The following PDE4C variants were observed in gnomAD, a reference collection of about 807,000 sequenced individuals.
PDE4C encodes the protein 3',5'-cyclic-AMP phosphodiesterase 4C.
A neutral mutation model predicts 63.9 loss-of-function variants in PDE4C; 50 were observed. The ratio of observed to expected loss-of-function variants is 0.78; its 90% CI spans 0.62 to 0.99. The LOEUF (loss-of-function observed/expected upper bound fraction) is 0.99. PDE4C is among the 50% of genes least tolerant of loss of function. The pLI is 0.00. For missense variants in PDE4C, 777 were observed against 899.1 expected, an observed-to-expected ratio of 0.86 and a Z score of 1.74; for synonymous variants, 377 against 385.1, an observed-to-expected ratio of 0.98 and a Z score of 0.25.
intron 1 of PDE4C, among the ~76,000 whole-genome samples, chr19:18,247,539 G>A (rs1387916391): frequency 1.3e-5 from 2 of 152,096 alleles, no homozygotes; most frequent in Non-Finnish European, 2.9e-5. Context: ...CAAGTGATCC[G>A]CCTGCTTCGC....
chr19:18,227,952 C>G (rs768846119), upstream of PDE4C, among the ~76,000 whole-genome samples: 14 of 152,138 alleles, frequency 9.2e-5, no homozygotes, highest in Non-Finnish European at 1.9e-4. Flanking sequence ...AGTCACACAG[C>G]CCAGAAAAAC....
Position 18,226,275 on chromosome 19 carries a change from CG to C in PDE4C, c.140del (p.Pro47ArgfsTer72). The C allele has an allele frequency of 6.4e-7, 1 of 1,563,154 alleles. No homozygotes were observed. Among genetic ancestry groups the C allele is most frequent in the South Asian group, 1.2e-5 (1 of 85,836 alleles). The stretch of plus-strand genomic sequence containing the variant: ...GGCCCTCTGTCCAGCCTCACCACAG[CG>C]GATGGGCCACCGTGAAGCGCCGCTG... On this transcript the variant is annotated frameshift_variant, in exon 1 of 15. Transcript: ENST00000262805. LOFTEE classifies it high-confidence loss of function.
At chr19:18,226,374 G>A (rs1968724588) in exon 1 of PDE4C, 6 of 1,484,790 alleles carry the variant, frequency 4.0e-6, no homozygotes, top group Non-Finnish European at 5.4e-6. Flanking sequence ...CCCGAGGGGA[G>A]CCGGGCCCGG....
upstream of PDE4C, among the ~76,000 whole-genome samples, chr19:18,230,068 A>G (rs1043237491): frequency 6.6e-6 from 1 of 151,850 alleles, no homozygotes; most frequent in African/African-American, 2.4e-5. Flanking sequence ...AGCCAGGTAA[A>G]TGCCTCAGAG....
chr19:18,208,374 T>G (rs2147990949), downstream of PDE4C: 1 of 152,420 alleles, frequency 6.6e-6, no homozygotes, highest in Admixed American at 6.5e-5. Context: ...AGCATGGTGC[T>G]GCCCAGTCCG....
intron 11 of PDE4C, 120 bp downstream of exon 11, chr19:18,218,029 T>C: frequency 1.3e-6 from 1 of 756,448 alleles, no homozygotes; most frequent in East Asian, 2.5e-5. Flanking sequence ...ACTGTCATAG[T>C]CATTTCATAG....
chr19:18,236,923 T>C (rs549651975), upstream of PDE4C: 1 of 152,792 alleles, frequency 6.5e-6, no homozygotes, highest in Non-Finnish European at 1.5e-5. Flanking sequence ...ACATGGGTAC[T>C]GGGCTCGACC....
At chr19:18,236,236 C>T (rs1247562035), upstream of PDE4C, among the ~76,000 whole-genome samples, 1 of 151,200 alleles carries the variant, frequency 6.6e-6, no homozygotes, top group Non-Finnish European at 1.5e-5. Flanking sequence ...AGCCACTGCA[C>T]CCGGCCTGTT....
chr19:18,246,462 CG>C (rs1206207934), intron 1 of PDE4C, among the ~76,000 whole-genome samples: 2 of 151,908 alleles, frequency 1.3e-5, no homozygotes, highest in Non-Finnish European at 2.9e-5. Flanking sequence ...AGATTACAGG[CG>C]TGAGCCACCG....
At chr19:18,216,785 T>G (rs747477408) in exon 12 of PDE4C, 1 of 1,613,678 alleles carries the variant, frequency 6.2e-7, no homozygotes, top group Admixed American at 1.7e-5. Context: ...TGCTTGGCGC[T>G]GAGGTTCTGG....
At chr19:18,244,323 C>G (rs1279058542) in intron 1 of PDE4C, among the ~76,000 whole-genome samples, 1 of 151,372 alleles carries the variant, frequency 6.6e-6, no homozygotes, top group Non-Finnish European at 1.5e-5. Context: ...GAGACGACGT[C>G]TCACTCTGTC....
At chr19:18,250,957 G>T (rs1436390174), upstream of PDE4C, among the ~76,000 whole-genome samples, 1 of 152,032 alleles carries the variant, frequency 6.6e-6, no homozygotes, top group East Asian at 1.9e-4. Flanking sequence ...TACATATTTA[G>T]TAGAGATGGG....
At chr19:18,245,836 T>C (rs1969118768) in intron 1 of PDE4C, among the ~76,000 whole-genome samples, 1 of 152,100 alleles carries the variant, frequency 6.6e-6, no homozygotes, top group Admixed American at 6.6e-5. Flanking sequence ...AGGTCCTTTA[T>C]TTATTTATTA....
exon 1 of PDE4C, chr19:18,233,300 C>T (rs1284878775): frequency 1.4e-6 from 2 of 1,454,008 alleles, no homozygotes; most frequent in Non-Finnish European, 9.3e-7. Context: ...GTGGAGGCGA[C>T]AGCGAGGAGC....
chr19:18,247,698 T>C (rs751784679), intron 1 of PDE4C, among the ~76,000 whole-genome samples: 2 of 152,100 alleles, frequency 1.3e-5, no homozygotes, highest in Admixed American at 6.5e-5. Flanking sequence ...GAGAGTGTTG[T>C]CCTGCTGTGC....
At chr19:18,244,487 TTTGTTGTTG>T (rs574256873) in intron 1 of PDE4C, among the ~76,000 whole-genome samples, 4 of 151,098 alleles carry the variant, frequency 2.6e-5, no homozygotes, top group African/African-American at 9.7e-5. Context: ...GTTGTTGGGT[TTTGTTGTTG>T]TTGTTGTTGT....
rs1381580421 is a variant in PDE4C, at chr19:18,211,099, G to A, written c.1873C>T (p.Gln625Ter). ...GCCTCCTCCAGAGTCAGTTCAAACT[G>A]GAATCTGTCAGGCCCGTCCCGCTCG... is the stretch of plus-strand genomic sequence containing the variant. Residue 625 changes from glutamine (Q) to a stop codon, truncating the protein, a stop_gained, in exon 15 of 15, where the codon CAG becomes TAG. Coordinates refer to ENST00000262805, the Ensembl canonical transcript of PDE4C. LOFTEE classifies it low-confidence loss of function (END_TRUNC). 1 of 1,614,020 alleles carries A rather than the reference G, an allele frequency of 6.2e-7. No homozygotes were observed. Among genetic ancestry groups the A allele is most frequent in the Non-Finnish European group, 8.5e-7 (1 of 1,180,012 alleles).
chr19:18,239,954 G>A (rs530795925), intron 1 of PDE4C, among the ~76,000 whole-genome samples: 71 of 151,896 alleles, frequency 4.7e-4, no homozygotes, highest in African/African-American at 1.7e-3. Context: ...TGAACCCAGG[G>A]GGTAGAGGTT....
At chr19:18,243,309 T>C (rs531882983) in intron 1 of PDE4C, among the ~76,000 whole-genome samples, 1 of 152,236 alleles carries the variant, frequency 6.6e-6, no homozygotes, top group African/African-American at 2.4e-5. Context: ...GATTTCACCA[T>C]GTTGGCCAGG....
Sources: gnomAD v4.1 joint callset for allele counts (sites outside exome capture counted in the v4.1 genomes callset) on GRCh38, gnomAD v4.1.1 for gene constraint, MANE v1.5 for transcripts, NCBI Gene and HGNC (gene_info 2026-07-23, HGNC 2026-07-21) for gene names.